PRKN: variants seen among roughly 807,000 people sequenced by gnomAD.
The protein encoded by PRKN is E3 ubiquitin-protein ligase parkin.
Under a neutral mutation model 59.5 loss-of-function variants are expected in PRKN, and 56 were observed. The ratio of observed to expected loss-of-function variants is 0.94; its 90% confidence interval spans 0.76 to 1.18. The LOEUF (loss-of-function observed/expected upper bound fraction) is 1.18, where lower values mean the gene tolerates loss of function less well. Among genes scored for constraint, PRKN ranks in the 50% most tolerant of loss-of-function variants. PRKN has a pLI of 0.00. For missense variants in PRKN, 657 were observed against 596.4 expected (o/e 1.10, Z -1.06); for synonymous variants, 250 against 222.1 (o/e 1.13, Z -1.12).
chr6:162,521,592 C>A (rs930553003), intron 1 of PRKN, among the ~76,000 whole-genome samples: 2 of 152,098 alleles, frequency 1.3e-5, no homozygotes, highest in African/African-American at 4.8e-5. Context: ...TTGGAAAAAA[C>A]ATATTACTAT....
intron 1 of PRKN, among the ~76,000 whole-genome samples, chr6:162,499,219 T>C (rs1030559156): frequency 6.6e-6 from 1 of 152,162 alleles, no homozygotes; most frequent in African/African-American, 2.4e-5. Flanking sequence ...TCTGTAAATC[T>C]TGTCTCTGCA....
Position 161,483,193 on chromosome 6 carries a change from A to G in PRKN, c.1083+65661T>C, listed in dbSNP as rs1448639711. 6.8e-6 allele frequency among the ~76,000 whole-genome samples: 1 copy of G among 146,978 alleles called. No individual in the cohort carries two copies. The highest frequency in any genetic ancestry group is 2.5e-5 in the African/African-American group (1 of 40,316). On this transcript the variant is annotated intron_variant, in intron 9 of 11. Transcript: ENST00000366898. The surrounding 1 kb of genome is among the most constrained non-coding windows in gnomAD (Gnocchi z 5.0). ...GTGTTTCAAAAAAAAAAAAAAAAAC[A>G]TGCATTGTTAATGAGACTTCGCCAG... is the stretch of plus-strand genomic sequence containing the variant.
rs374050867 is a variant in PRKN, at chr6:162,237,082, T to A, written c.412+25443A>T. Among the ~76,000 whole-genome samples the A allele has an allele frequency of 6.7e-4, 102 of 152,230 alleles. No homozygotes were observed. The East Asian group carries it at 9.7e-3, about 14-fold the overall frequency. On this transcript the variant is annotated intron_variant, in intron 3 of 11. Transcript: ENST00000366898. ...CCTGCAATAATCCTTTCTAATAACGTCTACTCTTACTAAATTGAGATTTAT... is the reference window on the plus strand; with the variant it reads ...CCTGCAATAATCCTTTCTAATAACGACTACTCTTACTAAATTGAGATTTAT...
intron 6 of PRKN, among the ~76,000 whole-genome samples, chr6:161,833,491 C>G (rs898189898): frequency 3.3e-5 from 5 of 152,196 alleles, no homozygotes; most frequent in Non-Finnish European, 7.4e-5. Context: ...TGATGCTGTT[C>G]TAGGACCATT....
In PRKN at chr6:161,428,530, G is replaced by A. The variant is rs973510952; in HGVS notation, c.1084-41653C>T. ...GCCCAGGGCAGCAGCCATAAAGGCC[G>A]TGGCACCTTCTTGCATCTCTAAGTG... On this transcript the variant is annotated intron_variant, in intron 9 of 11. Transcript: ENST00000366898. This position sits in a 1 kb window ranked among gnomAD's most constrained non-coding sequence, Gnocchi z 4.0. 2.6e-5 allele frequency among the ~76,000 whole-genome samples: 4 copies of A among 152,178 alleles called. No homozygotes were observed. Among genetic ancestry groups the A allele is most frequent in the South Asian group, 2.1e-4 (1 of 4,832 alleles).
chr6:162,010,642 A>T (rs186800914), intron 5 of PRKN, among the ~76,000 whole-genome samples: 2 of 5,450 alleles, frequency 3.7e-4, no homozygotes, highest in South Asian at 7.4e-3. Flanking sequence ...TATATTATAT[A>T]ATATATTATA....
rs1225911230 is a variant in PRKN at position 161,566,892 on chromosome 6, T to C, written c.933+2463A>G. ...CTTCATCCACTCTGTGGAAATCTCC[T>C]TTCCCAGATGTCACCATGAGGCTTC... On this transcript the variant is annotated intron_variant, in intron 8 of 11. Coordinates refer to ENST00000366898, the MANE Select transcript of PRKN (RefSeq NM_004562.3). The surrounding 1 kb of genome is among the most constrained non-coding windows in gnomAD (Gnocchi z 4.1). Among the ~76,000 whole-genome samples, 3 of 152,158 alleles carry C rather than the reference T, an allele frequency of 2.0e-5. No individual in the cohort carries two copies. The highest frequency in any genetic ancestry group is 2.9e-5 in the Non-Finnish European group (2 of 68,034).
Position 161,385,073 on chromosome 6 carries a change from G to T in PRKN, c.1167+1721C>A, listed in dbSNP as rs1786176386. Among the ~76,000 whole-genome samples the T allele has an allele frequency of 6.6e-6, 1 of 152,070 alleles. No individual in the cohort carries two copies. Among genetic ancestry groups the T allele is most frequent in the African/African-American group, 2.4e-5 (1 of 41,386 alleles). ...GCCTCCTGAATAGCTGGGATTACAGGTGCACGCCACCACACCCAGCTAATT... is the reference window on the plus strand; with the variant it reads ...GCCTCCTGAATAGCTGGGATTACAGTTGCACGCCACCACACCCAGCTAATT... On this transcript the variant is annotated intron_variant, in intron 10 of 11. Coordinates refer to ENST00000366898, the MANE Select transcript of PRKN (RefSeq NM_004562.3). This position sits in a 1 kb window ranked among gnomAD's most constrained non-coding sequence, Gnocchi z 4.9.
Position 161,549,097 on chromosome 6 carries a change from C to T in PRKN, c.934-94G>A. On this transcript the variant is annotated intron_variant, in intron 8 of 11. Transcript: ENST00000366898. This position sits in a 1 kb window ranked among gnomAD's most constrained non-coding sequence, Gnocchi z 6.0. ...ACAGTGCATGGGATTTCTTGCTTAACCAGTTTCAGTAAAATAATGCATGTG... is the reference window on the plus strand; with the variant it reads ...ACAGTGCATGGGATTTCTTGCTTAATCAGTTTCAGTAAAATAATGCATGTG... The T allele has an allele frequency of 1.4e-6, 2 of 1,404,198 alleles. No homozygotes were observed. The highest frequency in any genetic ancestry group is 1.2e-5 in the South Asian group (1 of 85,054). 87.0% of individuals were successfully genotyped at this position (1,404,198 alleles called of 1,614,324 possible). A position where few individuals can be genotyped will look rare whatever the true frequency, so the allele number is the denominator to read the frequency against.
intron 4 of PRKN, among the ~76,000 whole-genome samples, chr6:162,114,894 G>A (rs113061923): frequency 0.15 from 22,181 of 151,724 alleles, 1,960 homozygotes; most frequent in African/African-American, 0.25. Flanking sequence ...TACACTGTTG[G>A]TGGGATTGTA....
intron 7 of PRKN, among the ~76,000 whole-genome samples, chr6:161,768,970 G>A (rs1243961262): frequency 6.6e-6 from 1 of 151,966 alleles, no homozygotes; most frequent in Non-Finnish European, 1.5e-5. Context: ...TAGAAAATCT[G>A]GTTTTGTGCA....
At chr6:162,621,714 T>C (rs1289504677) in intron 1 of PRKN, among the ~76,000 whole-genome samples, 1 of 152,248 alleles carries the variant, frequency 6.6e-6, no homozygotes, top group Non-Finnish European at 1.5e-5. Flanking sequence ...ATTAATCAGA[T>C]GTTGGACCTA....
intron 1 of PRKN, among the ~76,000 whole-genome samples, chr6:162,527,745 T>C (rs1583731140): frequency 6.6e-6 from 1 of 152,124 alleles, no homozygotes; most frequent in East Asian, 1.9e-4. Flanking sequence ...GAGGAGGGAA[T>C]AGGAGAAAGC....
Position 161,575,478 on chromosome 6 carries a change from T to C in PRKN, c.872-6062A>G, listed in dbSNP as rs1311980548. ...GTTTTCAGAAAGCTTTCGGTGAATT[T>C]CCTCAACAATCATGCTGTAAAGTAG... On this transcript the variant is annotated intron_variant, in intron 7 of 11. Transcript: ENST00000366898. This position sits in a 1 kb window ranked among gnomAD's most constrained non-coding sequence, Gnocchi z 4.6. Among the ~76,000 whole-genome samples the C allele has an allele frequency of 6.6e-6, 1 of 152,210 alleles. No individual in the cohort carries two copies. The highest frequency in any genetic ancestry group is 1.5e-5 in the Non-Finnish European group (1 of 68,026).
chr6:162,004,291 G>A (rs1215648676), intron 5 of PRKN, among the ~76,000 whole-genome samples: 2 of 152,164 alleles, frequency 1.3e-5, no homozygotes, highest in Admixed American at 6.5e-5. Context: ...CCTGCTGTGT[G>A]AGACACCTCA....
Position 161,391,793 on chromosome 6 carries a change from G to C in PRKN, c.1084-4916C>G, listed in dbSNP as rs753816684. On this transcript the variant is annotated intron_variant, in intron 9 of 11. Coordinates refer to ENST00000366898, the MANE Select transcript of PRKN (RefSeq NM_004562.3). The surrounding 1 kb of genome is among the most constrained non-coding windows in gnomAD (Gnocchi z 4.9). The stretch of plus-strand genomic sequence containing the variant: ...TAACTGAGCCTTCCCTGAGGAAGAA[G>C]AGATTTCACCTGTGGACAGCAGCGT... 1.9e-4 allele frequency among the ~76,000 whole-genome samples: 29 copies of C among 152,084 alleles called. No homozygotes were observed. Among genetic ancestry groups the C allele is most frequent in the African/African-American group, 5.6e-4 (23 of 41,382 alleles).
chr6:162,687,692 T>C (rs1287250454), intron 1 of PRKN, among the ~76,000 whole-genome samples: 1 of 152,172 alleles, frequency 6.6e-6, no homozygotes, highest in Non-Finnish European at 1.5e-5. Flanking sequence ...TATAACAATT[T>C]GTTATTGAAG....
At chr6:162,351,990 T>A (rs1390801732) in intron 2 of PRKN, among the ~76,000 whole-genome samples, 1 of 152,136 alleles carries the variant, frequency 6.6e-6, no homozygotes, top group African/African-American at 2.4e-5. Flanking sequence ...CCAGCAAGCT[T>A]TTGAGCCACC....
intron 1 of PRKN, among the ~76,000 whole-genome samples, chr6:162,681,348 G>T (rs1779761260): frequency 6.6e-6 from 1 of 152,166 alleles, no homozygotes; most frequent in South Asian, 2.1e-4. Flanking sequence ...TGAAGTTGGT[G>T]TTGGGTGATG....
Sources: gnomAD v4.1 joint callset for allele counts (sites outside exome capture counted in the v4.1 genomes callset) on GRCh38, gnomAD v4.1.1 for gene constraint, Gnocchi (gnomAD v3.1) non-coding constraint, MANE v1.5 for transcripts, NCBI Gene and HGNC (gene_info 2026-07-23, HGNC 2026-07-21) for gene names.